The following PRKAR1B variants were observed in gnomAD, a reference collection of about 807,000 sequenced individuals.
PRKAR1B encodes protein kinase cAMP-dependent type I regulatory subunit beta, also known as cAMP-dependent protein kinase type I-beta regulatory subunit.
A neutral mutation model predicts 46.5 loss-of-function variants in PRKAR1B; 22 were observed. The ratio of observed to expected loss-of-function variants is 0.47; its 90% CI spans 0.34 to 0.68. The LOEUF is 0.68. Among genes scored for constraint, PRKAR1B ranks in the 30% least tolerant of loss-of-function variants. The pLI is 0.01. For synonymous variants in PRKAR1B, 259 were observed against 217.7 expected (o/e 1.19, Z -1.67); for missense variants, 445 against 535.6 (o/e 0.83, Z 1.67).
chr7:668,066 T>C (rs1414770628), intron 4 of PRKAR1B, among the ~76,000 whole-genome samples: 7 of 152,336 alleles, frequency 4.6e-5, no homozygotes, highest in Admixed American at 2.0e-4. Context: ...ATGATGGGGA[T>C]ATCTGTCTTG....
intron 4 of PRKAR1B, among the ~76,000 whole-genome samples, chr7:626,719 CTT>C (rs1242823672): frequency 6.9e-6 from 1 of 144,430 alleles, no homozygotes; most frequent in African/African-American, 2.5e-5. Flanking sequence ...ATAAAGTGAA[CTT>C]TTTTTTTTTT....
At chr7:582,659 G>A (rs1025678484) in intron 8 of PRKAR1B, among the ~76,000 whole-genome samples, 1 of 152,210 alleles carries the variant, frequency 6.6e-6, no homozygotes, top group African/African-American at 2.4e-5. Context: ...ACCAGCCCTC[G>A]CCCGGAGCAG....
intron 2 of PRKAR1B, among the ~76,000 whole-genome samples, chr7:703,484 C>T (rs1387895292): frequency 6.6e-6 from 1 of 152,002 alleles, no homozygotes; most frequent in Non-Finnish European, 1.5e-5. Context: ...GAAACCCCAT[C>T]TCTACTAAAA....
At chr7:614,978 G>C (rs978805379) in intron 4 of PRKAR1B, among the ~76,000 whole-genome samples, 1 of 152,182 alleles carries the variant, frequency 6.6e-6, no homozygotes, top group Non-Finnish European at 1.5e-5. Flanking sequence ...TCGGGAGGCT[G>C]AGGCAGGAGG....
At chr7:671,672 A>G (rs1786263921) in intron 4 of PRKAR1B, among the ~76,000 whole-genome samples, 1 of 152,024 alleles carries the variant, frequency 6.6e-6, no homozygotes, top group Non-Finnish European at 1.5e-5. Flanking sequence ...GTTAAGACAC[A>G]TATTTGAATC....
chr7:727,808 C>T (rs185688276), upstream of PRKAR1B, among the ~76,000 whole-genome samples: 762 of 146,952 alleles, frequency 5.2e-3, 11 homozygotes, highest in African/African-American at 0.018. Flanking sequence ...TCCCACCCTC[C>T]TCCCTGCCTG....
intron 9 of PRKAR1B, among the ~76,000 whole-genome samples, chr7:563,305 T>C (rs1445336166): frequency 1.3e-5 from 2 of 152,202 alleles, no homozygotes; most frequent in Non-Finnish European, 2.9e-5. Context: ...ATACCCCAGT[T>C]TTCTTTTCCA....
At chr7:572,172 C>T (rs926133890) in intron 9 of PRKAR1B, among the ~76,000 whole-genome samples, 1 of 152,200 alleles carries the variant, frequency 6.6e-6, no homozygotes, top group Non-Finnish European at 1.5e-5. Context: ...TCAGGGCTCC[C>T]GCTGACGCAC....
rs192291893 is a variant in PRKAR1B at position 558,234 on chromosome 7, G to A, written c.892-6764C>T. Among the ~76,000 whole-genome samples the A allele has an allele frequency of 1.1e-3, 169 of 150,624 alleles. 1 individual carries two copies. The highest frequency in any genetic ancestry group is 3.9e-3 in the African/African-American group (158 of 40,996). On this transcript the variant is annotated intron_variant, in intron 9 of 10. Transcript: ENST00000537384. ...CCAGCTACTCAGGAGGCTGAGGTGC[G>A]AGGATCGCTTGAGCCCAGGAGGTCG...
intron 2 of PRKAR1B, among the ~76,000 whole-genome samples, chr7:700,636 T>G (rs920521224): frequency 1.3e-5 from 2 of 150,000 alleles, no homozygotes; most frequent in African/African-American, 4.9e-5. Context: ...TTGGAATTGG[T>G]GGGGGAATCA....
chr7:616,680 G>A (rs985072284), intron 4 of PRKAR1B, among the ~76,000 whole-genome samples: 2 of 152,180 alleles, frequency 1.3e-5, no homozygotes, highest in South Asian at 2.1e-4. Flanking sequence ...CCCTGCTGAC[G>A]GCTACAACTT....
chr7:599,554 C>T (rs1258969110), intron 6 of PRKAR1B, among the ~76,000 whole-genome samples: 3 of 152,234 alleles, frequency 2.0e-5, no homozygotes, highest in Non-Finnish European at 2.9e-5. Flanking sequence ...TCCCAAAGTG[C>T]TGGGATTACA....
intron 4 of PRKAR1B, among the ~76,000 whole-genome samples, chr7:620,895 A>G (rs1395887532): frequency 6.6e-6 from 1 of 152,218 alleles, no homozygotes; most frequent in Admixed American, 6.5e-5. Context: ...ATTCTCCATT[A>G]GCATGTTTGC....
chr7:726,783 G>A (rs1054283683), intron 1 of PRKAR1B: 13 of 1,279,060 alleles, frequency 1.0e-5, no homozygotes, highest in Non-Finnish European at 1.2e-5. Context: ...GGGCCGAGAC[G>A]GCTGAGGCGG....
At chr7:673,076 A>C (rs867442018) in intron 4 of PRKAR1B, among the ~76,000 whole-genome samples, 50 of 145,092 alleles carry the variant, frequency 3.4e-4, no homozygotes, top group Non-Finnish European at 4.8e-4. Context: ...AAAAAAAAAA[A>C]AACACACACA....
chr7:583,720 C>T (rs537033627), intron 8 of PRKAR1B, among the ~76,000 whole-genome samples: 38 of 151,836 alleles, frequency 2.5e-4, no homozygotes, highest in East Asian at 7.8e-4. Flanking sequence ...GCAATTCACA[C>T]GCATTCTACA....
intron 1 of PRKAR1B, among the ~76,000 whole-genome samples, chr7:725,136 C>T (rs1191088547): frequency 6.6e-6 from 1 of 151,792 alleles, no homozygotes; most frequent in Non-Finnish European, 1.5e-5. Context: ...ATGGCATGAA[C>T]CTGGGAGGCA....
chr7:718,434 G>C (rs1223519744), intron 1 of PRKAR1B, among the ~76,000 whole-genome samples: 1 of 149,022 alleles, frequency 6.7e-6, no homozygotes, highest in Non-Finnish European at 1.5e-5. Context: ...TCAGCTCACT[G>C]CAACCTCTGG....
rs147733736 is a variant in PRKAR1B, at chr7:559,207, C to T, written c.892-7737G>A. ...ACACAACCCACAAGGCCACAGGTGCCTGACGCCAGGAGAGCCGAGAATCAG... is the reference window on the plus strand; with the variant it reads ...ACACAACCCACAAGGCCACAGGTGCTTGACGCCAGGAGAGCCGAGAATCAG... On this transcript the variant is annotated intron_variant, in intron 9 of 10. Transcript: ENST00000537384. 5.1e-3 allele frequency among the ~76,000 whole-genome samples: 784 copies of T among 152,342 alleles called. 5 individuals carry two copies. The highest frequency in any genetic ancestry group is 0.018 in the African/African-American group (752 of 41,584).
Sources: gnomAD v4.1 joint callset for allele counts (sites outside exome capture counted in the v4.1 genomes callset) on GRCh38, gnomAD v4.1.1 for gene constraint, MANE v1.5 for transcripts, NCBI Gene and HGNC (gene_info 2026-07-23, HGNC 2026-07-21) for gene names.